Variants in ERC2 observed in about 807,000 individuals in gnomAD.
ERC2 encodes ELKS/RAB6-interacting/CAST family member 2, also known as ERC protein 2.
ERC2 carries 42 observed loss-of-function variants against 114.8 expected under a neutral mutation model. The ratio of observed to expected loss-of-function variants is 0.37; its 90% CI spans 0.29 to 0.47. The LOEUF is 0.47. Among genes scored for constraint, ERC2 ranks in the 20% least tolerant of loss-of-function variants. The pLI, the probability that ERC2 is intolerant of heterozygous loss-of-function variation, is 0.99. For missense variants in ERC2, 939 were observed against 1,150.7 expected, an observed-to-expected ratio of 0.82 and a Z score of 2.66; for synonymous variants, 454 against 425.5, an observed-to-expected ratio of 1.07 and a Z score of -0.82.
chr3:56,326,240 T>C (rs2057355234), intron 2 of ERC2, among the ~76,000 whole-genome samples: 1 of 152,192 alleles, frequency 6.6e-6, no homozygotes, highest in South Asian at 2.1e-4. Flanking sequence ...AAAGTCCAAG[T>C]TCTGAGGAAG....
At chr3:56,338,757 T>G (rs376274233) in intron 2 of ERC2, among the ~76,000 whole-genome samples, 1 of 152,104 alleles carries the variant, frequency 6.6e-6, no homozygotes, top group African/African-American at 2.4e-5. Flanking sequence ...AGGGCCAAAG[T>G]CCTTCCTTAA....
chr3:56,261,927 T>C (rs1052750395), intron 3 of ERC2, among the ~76,000 whole-genome samples: 1 of 152,202 alleles, frequency 6.6e-6, no homozygotes, highest in African/African-American at 2.4e-5. Flanking sequence ...TGTGTTCTCA[T>C]CATTTAGTTC....
At chr3:56,393,642 G>A (rs1252295615) in intron 2 of ERC2, among the ~76,000 whole-genome samples, 1 of 152,026 alleles carries the variant, frequency 6.6e-6, no homozygotes, top group East Asian at 1.9e-4. Context: ...ATTTATATTA[G>A]GACAGTTTCT....
At chr3:56,288,971 G>A (rs778796290) in intron 3 of ERC2, among the ~76,000 whole-genome samples, 1 of 152,166 alleles carries the variant, frequency 6.6e-6, no homozygotes, top group Non-Finnish European at 1.5e-5. Context: ...GGGCGTGGTG[G>A]TTACAAATTA....
chr3:55,937,348 C>A (rs1237054341), intron 13 of ERC2, among the ~76,000 whole-genome samples: 2 of 152,098 alleles, frequency 1.3e-5, no homozygotes, highest in African/African-American at 4.8e-5. Flanking sequence ...GACTCCGTCT[C>A]AAAAACAAAA....
intron 4 of ERC2, among the ~76,000 whole-genome samples, chr3:56,166,296 T>C (rs1039431586): frequency 6.6e-6 from 1 of 152,232 alleles, no homozygotes; most frequent in Admixed American, 6.5e-5. Context: ...TTTTCTACCA[T>C]CAGTGTTTAC....
intron 2 of ERC2, among the ~76,000 whole-genome samples, chr3:56,344,755 C>A (rs1173732407): frequency 6.6e-6 from 1 of 152,140 alleles, no homozygotes; most frequent in African/African-American, 2.4e-5. Context: ...GATCATTCAC[C>A]GAACAATGAC....
chr3:56,300,988 A>G (rs1329163962), intron 2 of ERC2, among the ~76,000 whole-genome samples: 1 of 152,190 alleles, frequency 6.6e-6, no homozygotes, highest in Admixed American at 6.5e-5. Flanking sequence ...GGTGGCTCAC[A>G]CCTGTAATCC....
chr3:55,709,737 G>T (rs78735737), intron 15 of ERC2, among the ~76,000 whole-genome samples: 5 of 152,316 alleles, frequency 3.3e-5, no homozygotes, highest in African/African-American at 1.2e-4. Flanking sequence ...CCCCCCAAAG[G>T]GGGAGAGAAG....
chr3:56,161,283 T>C (rs181354749), intron 4 of ERC2, among the ~76,000 whole-genome samples: 1 of 152,214 alleles, frequency 6.6e-6, no homozygotes, highest in Non-Finnish European at 1.5e-5. Context: ...TGCCAAACCA[T>C]GAGCCAATTA....
chr3:56,291,748 A>G (rs539020029), intron 3 of ERC2, among the ~76,000 whole-genome samples: 47 of 152,298 alleles, frequency 3.1e-4, no homozygotes, highest in Non-Finnish European at 5.6e-4. Flanking sequence ...AACAGAGGTC[A>G]GGCAATTTCT....
intron 17 of ERC2, among the ~76,000 whole-genome samples, chr3:55,592,825 C>T (rs2057958300): frequency 6.6e-6 from 1 of 152,202 alleles, no homozygotes; most frequent in Non-Finnish European, 1.5e-5. Flanking sequence ...GAAAGTATCT[C>T]CCTTCACCTA....
chr3:56,287,193 C>T (rs939434852), intron 3 of ERC2, among the ~76,000 whole-genome samples: 6 of 152,200 alleles, frequency 3.9e-5, no homozygotes, highest in Admixed American at 3.3e-4. Context: ...ATGCAATTTC[C>T]GTGTCTCACA....
intron 15 of ERC2, among the ~76,000 whole-genome samples, chr3:55,724,232 G>T (rs1203656757): frequency 6.6e-6 from 1 of 152,204 alleles, no homozygotes; most frequent in Non-Finnish European, 1.5e-5. Context: ...GATGCAGGAA[G>T]AGATAAGTCG....
At chr3:56,322,098 G>A (rs943623012) in intron 2 of ERC2, among the ~76,000 whole-genome samples, 1 of 152,174 alleles carries the variant, frequency 6.6e-6, no homozygotes, top group Non-Finnish European at 1.5e-5. Flanking sequence ...ACCACAGAGC[G>A]TGGCAGTTTC....
intron 3 of ERC2, among the ~76,000 whole-genome samples, chr3:56,243,306 G>A (rs1390686499): frequency 6.6e-6 from 1 of 152,186 alleles, no homozygotes; most frequent in African/African-American, 2.4e-5. Flanking sequence ...AGCTGAGAGT[G>A]TTCTTAGACT....
At chr3:56,146,396 T>G (rs748444854) in intron 5 of ERC2, among the ~76,000 whole-genome samples, 3 of 152,202 alleles carry the variant, frequency 2.0e-5, no homozygotes, top group Non-Finnish European at 4.4e-5. Context: ...GAACATTCTT[T>G]CAATGGAGAA....
At chr3:56,332,477 C>T (rs1289406204) in intron 2 of ERC2, among the ~76,000 whole-genome samples, 1 of 152,146 alleles carries the variant, frequency 6.6e-6, no homozygotes, top group Non-Finnish European at 1.5e-5. Context: ...GTAATACGCC[C>T]AACAACACCC....
At position 56,158,807 on chromosome 3, in the gene ERC2, T is replaced by TG. The variant is rs1017807779; in HGVS notation, c.1150-9676dup. On this transcript the variant is annotated intron_variant, in intron 4 of 17. Coordinates refer to ENST00000288221, the MANE Select transcript of ERC2 (RefSeq NM_015576.3). ...ATTATGGCTTTTCTTTTAACAAACT[T>TG]GTTTTTTTTCAAAATAATAATTCCT... Among the ~76,000 whole-genome samples, 5 of 117,182 alleles carry TG rather than the reference T, an allele frequency of 4.3e-5. No homozygotes were observed. In the Admixed American group the frequency reaches 4.5e-4, roughly 11 times the overall value. 76.9% of individuals were successfully genotyped at this position (117,182 alleles called of 152,430 possible). A position where few individuals can be genotyped will look rare whatever the true frequency, so the allele number is the denominator to read the frequency against.
Sources: gnomAD v4.1 joint callset for allele counts (sites outside exome capture counted in the v4.1 genomes callset) on GRCh38, gnomAD v4.1.1 for gene constraint, MANE v1.5 for transcripts, NCBI Gene and HGNC (gene_info 2026-07-23, HGNC 2026-07-21) for gene names.